The following NEU3 variants were observed in gnomAD, a reference collection of about 807,000 sequenced individuals.
The protein encoded by NEU3 is neuraminidase 3.
A neutral mutation model predicts 11.4 loss-of-function variants in NEU3; 10 were observed. That is an observed-to-expected ratio of 0.88 (90% confidence interval 0.54 to 1.49). The LOEUF (loss-of-function observed/expected upper bound fraction) is 1.49, where lower values mean the gene tolerates loss of function less well. NEU3 is among the 40% of genes most tolerant of loss of function. The pLI is 0.00. For synonymous variants in NEU3, 212 were observed against 228.2 expected (o/e 0.93, Z 0.64); for missense variants, 529 against 581.8 (o/e 0.91, Z 0.93).
upstream of NEU3, among the ~76,000 whole-genome samples, chr11:74,983,527 G>A (rs1366873095): frequency 6.6e-6 from 1 of 152,214 alleles, no homozygotes; most frequent in Non-Finnish European, 1.5e-5. Context: ...CTCTTAGGCT[G>A]CTACTGAGCT....
At chr11:74,989,281 A>G (rs1948705646) in intron 1 of NEU3, 127 bp downstream of exon 1, 1 of 746,494 alleles carries the variant, frequency 1.3e-6, no homozygotes, top group South Asian at 1.7e-5. Context: ...CTAGTCGGCT[A>G]GGATCTGACC....
upstream of NEU3, among the ~76,000 whole-genome samples, chr11:74,987,686 G>A (rs879256525): frequency 2.6e-4 from 39 of 151,960 alleles, no homozygotes; most frequent in Non-Finnish European, 4.6e-4. Context: ...GGTGGTGGGC[G>A]CCTGTAGTCC....
rs933128340 is a variant in NEU3, at chr11:74,989,937, C to G, written c.94+783C>G. 30 of 701,774 alleles carry G rather than the reference C, an allele frequency of 4.3e-5. No homozygotes were observed. In the African/African-American group the frequency reaches 4.9e-4, roughly 11 times the overall value. 43.5% of individuals were successfully genotyped at this position (701,774 alleles called of 1,614,324 possible). On this transcript the variant is annotated intron_variant, in intron 1 of 2. Coordinates refer to ENST00000294064, the MANE Select transcript of NEU3 (RefSeq NM_006656.6). Reference sequence around the variant, plus strand: ...AATGAACCCCAGAGCAGGCCCATATCTGATTATTTTCTATCCCGTTTCCAG... The same window carrying G: ...AATGAACCCCAGAGCAGGCCCATATGTGATTATTTTCTATCCCGTTTCCAG...
chr11:74,998,030 T>TA (rs1948809949), intron 2 of NEU3, among the ~76,000 whole-genome samples: 1 of 152,168 alleles, frequency 6.6e-6, no homozygotes, highest in Admixed American at 6.5e-5. Context: ...CTTGAACACT[T>TA]AGAGGCCATT....
In NEU3 at chr11:74,999,992, G is replaced by A. The variant is rs186532227; in HGVS notation, c.306+5272G>A. 5.9e-5 allele frequency among the ~76,000 whole-genome samples: 9 copies of A among 152,250 alleles called. No homozygotes were observed. The East Asian group carries it at 1.7e-3, about 29-fold the overall frequency. ...TTGTGATTACTGTCGTTGGGATCTG[G>A]TCTGAGATAGCAGTGTCCTTTTTTA... is the stretch of plus-strand genomic sequence containing the variant. On this transcript the variant is annotated intron_variant, in intron 2 of 2. Coordinates refer to ENST00000294064, the MANE Select transcript of NEU3 (RefSeq NM_006656.6).
chr11:75,004,213 A>G, intron 2 of NEU3: 2 of 592,154 alleles, frequency 3.4e-6, no homozygotes, highest in South Asian at 4.1e-5. Context: ...CACATTTGCC[A>G]ACACAGTATT....
At chr11:75,002,601 C>T (rs1268294513) in intron 2 of NEU3, among the ~76,000 whole-genome samples, 1 of 152,126 alleles carries the variant, frequency 6.6e-6, no homozygotes, top group Non-Finnish European at 1.5e-5. Context: ...AAACATAAAA[C>T]ATAAATGTCA....
chr11:75,011,960 C>T (rs1020186988), downstream of NEU3, among the ~76,000 whole-genome samples: 1 of 152,066 alleles, frequency 6.6e-6, no homozygotes, highest in African/African-American at 2.4e-5. Context: ...TCTTTGGTTA[C>T]GTTGTATGCA....
chr11:75,013,949 T>C (rs534693491), downstream of NEU3, among the ~76,000 whole-genome samples: 3 of 152,300 alleles, frequency 2.0e-5, no homozygotes, highest in South Asian at 4.1e-4. Context: ...ATAGTGCCTC[T>C]TAAGTCCTTG....
Position 75,006,004 on chromosome 11 carries a change from G to GCCCTGAGT in NEU3, c.900_907dup (p.Arg303ProfsTer2). 6.2e-7 allele frequency: 1 copy of GCCCTGAGT among 1,613,968 alleles called. No individual in the cohort carries two copies. The highest frequency in any genetic ancestry group is 8.5e-7 in the Non-Finnish European group (1 of 1,179,898). Reference sequence around the variant, plus strand: ...CCATGGTGAAGGCTTTCAGAGACTGGCCCTGAGTCGACAGCTCTGTGAGCC... The same window carrying GCCCTGAGT: ...CCATGGTGAAGGCTTTCAGAGACTGGCCCTGAGTCCCTGAGTCGACAGCTCTGTGAGCC... On this transcript the variant is annotated frameshift_variant, in exon 3 of 3. Coordinates refer to ENST00000294064, the MANE Select transcript of NEU3 (RefSeq NM_006656.6). LOFTEE classifies it low-confidence loss of function (END_TRUNC).
At chr11:74,993,534 G>T (rs961728517) in intron 1 of NEU3, among the ~76,000 whole-genome samples, 1 of 152,192 alleles carries the variant, frequency 6.6e-6, no homozygotes, top group Non-Finnish European at 1.5e-5. Context: ...ACAGAGGATG[G>T]CATGTGAAAT....
the NEU3 span, among the ~76,000 whole-genome samples, chr11:74,981,541 G>A: frequency 6.6e-6 from 1 of 152,194 alleles, no homozygotes; most frequent in African/African-American, 2.4e-5. Flanking sequence ...GGCCTACCCT[G>A]TGGCACTTGG....
chr11:74,993,850 C>G (rs1948758088), intron 1 of NEU3, among the ~76,000 whole-genome samples: 1 of 152,006 alleles, frequency 6.6e-6, no homozygotes, highest in Admixed American at 6.6e-5. Context: ...TCTTATAAAG[C>G]CCCTAATGCA....
intron 2 of NEU3, among the ~76,000 whole-genome samples, chr11:74,998,544 G>A (rs1948814652): frequency 6.6e-6 from 1 of 152,132 alleles, no homozygotes; most frequent in African/African-American, 2.4e-5. Flanking sequence ...CTACATAGTA[G>A]GCACTTTAAT....
chr11:75,004,903 TC>T (rs1948882336), intron 2 of NEU3, among the ~76,000 whole-genome samples: 1 of 152,184 alleles, frequency 6.6e-6, no homozygotes, highest in Non-Finnish European at 1.5e-5. Context: ...TTTTCTTTTT[TC>T]TTTCTTTCCT....
the NEU3 span, among the ~76,000 whole-genome samples, chr11:74,981,358 A>T: frequency 2.0e-5 from 3 of 152,220 alleles, no homozygotes; most frequent in African/African-American, 7.2e-5. Context: ...TCCTGCATGT[A>T]TATTCTTGCC....
At chr11:75,019,864 C>G (rs927099957), downstream of NEU3, among the ~76,000 whole-genome samples, 1 of 152,210 alleles carries the variant, frequency 6.6e-6, no homozygotes, top group Non-Finnish European at 1.5e-5. Flanking sequence ...GGCCACTGTC[C>G]TCCAGACTCC....
intron 2 of NEU3, chr11:75,004,292 T>G: frequency 1.5e-6 from 1 of 681,624 alleles, no homozygotes; most frequent in East Asian, 2.8e-5. Context: ...TTTTGTTTTA[T>G]TTTTATTTTT....
Position 74,994,496 on chromosome 11 carries a change from T to C in NEU3, c.95-13T>C. On this transcript the variant is annotated splice_polypyrimidine_tract_variant and intron_variant, in intron 1 of 2. Transcript: ENST00000294064. ...GGTATGGACACACATTAAGCTTCCT[T>C]CTATCCTTGCAGAGGTCATGGAAGA... 2 of 1,590,124 alleles carry C rather than the reference T, an allele frequency of 1.3e-6. No homozygotes were observed. The highest frequency in any genetic ancestry group is 1.7e-6 in the Non-Finnish European group (2 of 1,165,464).
Sources: allele counts gnomAD v4.1 joint callset (sites outside exome capture counted in the v4.1 genomes callset), GRCh38; gene constraint gnomAD v4.1.1; transcripts MANE v1.5; gene names NCBI Gene and HGNC (gene_info 2026-07-23, HGNC 2026-07-21).